Variants in ADCY5 observed in about 807,000 individuals in gnomAD.
ADCY5 encodes adenylate cyclase 5, also known as adenylate cyclase type 5.
ADCY5 carries 30 observed loss-of-function variants against 119.7 expected under a neutral mutation model. The ratio of observed to expected loss-of-function variants is 0.25; its 90% CI spans 0.19 to 0.34. ADCY5 has a LOEUF of 0.34. ADCY5 is among the 10% of genes least tolerant of loss of function. The pLI is 1.00. For synonymous variants in ADCY5, 753 were observed against 762.2 expected (o/e 0.99, Z 0.20); for missense variants, 1,324 against 1,775.2 (o/e 0.75, Z 4.57).
chr3:123,356,988 G>C (rs1943060429), intron 1 of ADCY5, among the ~76,000 whole-genome samples: 1 of 151,878 alleles, frequency 6.6e-6, no homozygotes, highest in African/African-American at 2.4e-5. Flanking sequence ...AAGGAAGCCA[G>C]ACTCAAAAGC....
At chr3:123,397,187 G>C (rs1478094606) in intron 1 of ADCY5, among the ~76,000 whole-genome samples, 1 of 152,208 alleles carries the variant, frequency 6.6e-6, no homozygotes, top group East Asian at 1.9e-4. Flanking sequence ...TCCTCTAGCT[G>C]ACTTTTTCCT....
chr3:123,392,179 T>G (rs1944417652), intron 1 of ADCY5, among the ~76,000 whole-genome samples: 1 of 152,212 alleles, frequency 6.6e-6, no homozygotes, highest in Admixed American at 6.5e-5. Context: ...TTATACTAAT[T>G]TGTTTTAAAT....
At chr3:123,428,173 C>A (rs1272919699) in intron 1 of ADCY5, among the ~76,000 whole-genome samples, 2 of 152,192 alleles carry the variant, frequency 1.3e-5, no homozygotes, top group African/African-American at 4.8e-5. Flanking sequence ...CACTCCCGGT[C>A]CCTGGAGTAC....
At chr3:123,304,990 C>G (rs1940122109) in intron 12 of ADCY5, among the ~76,000 whole-genome samples, 1 of 152,102 alleles carries the variant, frequency 6.6e-6, no homozygotes, top group African/African-American at 2.4e-5. Flanking sequence ...CTACCTGCCC[C>G]CAACACTTCC....
chr3:123,333,251 C>T (rs963245486), intron 3 of ADCY5, among the ~76,000 whole-genome samples: 1 of 152,238 alleles, frequency 6.6e-6, no homozygotes, highest in Non-Finnish European at 1.5e-5. Context: ...AAAGAGGGCC[C>T]TTGCCAGACT....
chr3:123,373,516 C>A (rs1943707439), intron 1 of ADCY5, among the ~76,000 whole-genome samples: 1 of 152,204 alleles, frequency 6.6e-6, no homozygotes, highest in East Asian at 1.9e-4. Context: ...ACGCCCCCAT[C>A]CATAGGGTCT....
chr3:123,442,475 A>C (rs7650886), intron 1 of ADCY5, among the ~76,000 whole-genome samples: 150,692 of 152,352 alleles, frequency 0.99, 74,548 homozygotes, highest in Middle Eastern at 1. Flanking sequence ...AGCTTGAATG[A>C]ATAGGAGAGT....
chr3:123,343,041 G>A (rs1461151261), intron 3 of ADCY5, among the ~76,000 whole-genome samples: 3 of 152,188 alleles, frequency 2.0e-5, no homozygotes, highest in Non-Finnish European at 4.4e-5. Flanking sequence ...CTGCTCCTCT[G>A]TGCCTTTTAT....
intron 9 of ADCY5, among the ~76,000 whole-genome samples, chr3:123,320,086 T>C (rs762212017): frequency 1.3e-5 from 2 of 152,208 alleles, no homozygotes; most frequent in African/African-American, 2.4e-5. Flanking sequence ...TGTTAACATA[T>C]TATATTAGCA....
intron 11 of ADCY5, among the ~76,000 whole-genome samples, chr3:123,315,599 A>G (rs748149899): frequency 2.0e-5 from 3 of 151,974 alleles, no homozygotes; most frequent in Non-Finnish European, 4.4e-5. Context: ...TTTTTGAGAC[A>G]GAGTCTCGCT....
At chr3:123,399,190 G>A (rs1486042743) in intron 1 of ADCY5, among the ~76,000 whole-genome samples, 3 of 152,242 alleles carry the variant, frequency 2.0e-5, no homozygotes, top group Admixed American at 6.5e-5. Context: ...AAGACTTGAT[G>A]TGAACAAAAG....
chr3:123,347,329 CAGG>C (rs924982796), intron 3 of ADCY5, among the ~76,000 whole-genome samples: 19 of 152,118 alleles, frequency 1.2e-4, no homozygotes, highest in African/African-American at 4.3e-4. Context: ...GCAGTGCTGT[CAGG>C]AGGACTGGTG....
chr3:123,412,523 C>G (rs1009712891), intron 1 of ADCY5, among the ~76,000 whole-genome samples: 1 of 152,188 alleles, frequency 6.6e-6, no homozygotes, highest in Non-Finnish European at 1.5e-5. Flanking sequence ...ACAGCAGTTA[C>G]AGCACTGACA....
In ADCY5 at chr3:123,448,909, G is replaced by A. The variant is rs1023537908; in HGVS notation, c.-364C>T. On this transcript the variant is annotated 5_prime_UTR_variant, in exon 1 of 21. Transcript: ENST00000462833. ...CCGGAGTTGCGGACGAGACGGGACGGAGTGGTGTCCTTGCGGGCGGTGCCT... is the reference window on the plus strand; with the variant it reads ...CCGGAGTTGCGGACGAGACGGGACGAAGTGGTGTCCTTGCGGGCGGTGCCT... 2 of 204,786 alleles carry A rather than the reference G, an allele frequency of 9.8e-6. No individual in the cohort carries two copies. The highest frequency in any genetic ancestry group is 6.0e-5 in the Admixed American group (1 of 16,606). The allele number at this position is 204,786 out of a possible 1,614,324, so 12.7% of individuals were successfully genotyped here.
chr3:123,437,766 C>T (rs760248950), intron 1 of ADCY5, among the ~76,000 whole-genome samples: 1 of 152,162 alleles, frequency 6.6e-6, no homozygotes, highest in African/African-American at 2.4e-5. Context: ...TGGGCAGCCA[C>T]GCACTCAGTG....
chr3:123,434,151 T>C (rs1208381589), intron 1 of ADCY5, among the ~76,000 whole-genome samples: 3 of 152,138 alleles, frequency 2.0e-5, no homozygotes, highest in Non-Finnish European at 4.4e-5. Context: ...GCCCTAACTG[T>C]GAAAAGAGCA....
At chr3:123,388,437 T>A (rs1250349375) in intron 1 of ADCY5, among the ~76,000 whole-genome samples, 1 of 152,086 alleles carries the variant, frequency 6.6e-6, no homozygotes, top group East Asian at 1.9e-4. Flanking sequence ...CCGGTCTCCG[T>A]GAGGACAGTG....
At position 123,300,146 on chromosome 3, in the gene ADCY5, G is replaced by A. The variant is rs762871171; in HGVS notation, c.2874C>T (p.Ala958=). The A allele has an allele frequency of 6.8e-6, 11 of 1,613,790 alleles. No homozygotes were observed. The highest frequency in any genetic ancestry group is 3.3e-5 in the South Asian group (3 of 91,088). The change falls in exon 15 of 21, where the codon GCC becomes GCT. Residue 958 remains alanine (A), a synonymous_variant. Transcript: ENST00000462833. ...EVPGVTLFDN[A]DLLVTANAID... ...TGGCGTTGGCGGTGACCAGCAGGTC[G>A]GCGTTGTCGAAGAGCGTGACACCTG...
intron 17 of ADCY5, among the ~76,000 whole-genome samples, chr3:123,295,863 T>C (rs1215397200): frequency 2.6e-5 from 4 of 152,228 alleles, no homozygotes; most frequent in Non-Finnish European, 4.4e-5. Flanking sequence ...TGGGTTTGTC[T>C]GCACAGAGTA....
Sources: allele counts gnomAD v4.1 joint callset (sites outside exome capture counted in the v4.1 genomes callset), GRCh38; gene constraint gnomAD v4.1.1; transcripts MANE v1.5; gene names NCBI Gene and HGNC (gene_info 2026-07-23, HGNC 2026-07-21).